TTC23L: variants seen among roughly 807,000 people sequenced by gnomAD.
TTC23L encodes tetratricopeptide repeat domain 23 like.
Under a neutral mutation model 48.1 loss-of-function variants are expected in TTC23L, and 42 were observed. The observed-to-expected ratio is 0.87, with a 90% CI of 0.68 to 1.13. The LOEUF (loss-of-function observed/expected upper bound fraction) is 1.13, where lower values mean the gene tolerates loss of function less well. Among genes scored for constraint, TTC23L ranks in the 50% most tolerant of loss-of-function variants. The pLI, the probability that TTC23L is intolerant of heterozygous loss-of-function variation, is 0.00. For synonymous variants in TTC23L, 159 were observed against 157.2 expected, an observed-to-expected ratio of 1.01 and a Z score of -0.09; for missense variants, 391 against 421.0, an observed-to-expected ratio of 0.93 and a Z score of 0.62.
chr5:34,867,118 G>C (rs765666012), intron 7 of TTC23L, 49 bp downstream of exon 7: 2 of 1,569,190 alleles, frequency 1.3e-6, no homozygotes, highest in Admixed American at 1.8e-5. Flanking sequence ...TTTGGCCCCA[G>C]GCTTGGTTCT....
chr5:34,925,147 T>A, the TTC23L span: 63 of 1,457,782 alleles, frequency 4.3e-5, no homozygotes, highest in Non-Finnish European at 5.6e-5. Flanking sequence ...GATATATGGT[T>A]CATAACTGAA....
intron 9 of TTC23L, among the ~76,000 whole-genome samples, chr5:34,889,692 TATGAAAGC>T (rs1227091245): frequency 2.0e-5 from 3 of 152,200 alleles, no homozygotes; most frequent in Non-Finnish European, 4.4e-5. Context: ...TGTTGGTGTA[TATGAAAGC>T]ATGTTTTCTT....
At chr5:34,841,323 T>A (rs1758653687) in intron 2 of TTC23L, among the ~76,000 whole-genome samples, 1 of 152,220 alleles carries the variant, frequency 6.6e-6, no homozygotes, top group Non-Finnish European at 1.5e-5. Context: ...GCACATACTA[T>A]GTGCCAGGCT....
intron 4 of TTC23L, among the ~76,000 whole-genome samples, chr5:34,853,148 G>A (rs997830690): frequency 1.3e-5 from 2 of 152,154 alleles, no homozygotes; most frequent in Admixed American, 6.5e-5. Context: ...TCTGAAAGCA[G>A]GTCTAGAGCT....
the TTC23L span, chr5:34,916,150 C>T: frequency 8.0e-6 from 3 of 373,732 alleles, no homozygotes; most frequent in Non-Finnish European, 9.6e-6. Flanking sequence ...ACAGGGTGCT[C>T]AGATCCAGCG....
At chr5:34,909,307 C>A in the TTC23L span, 1 of 1,611,420 alleles carries the variant, frequency 6.2e-7, no homozygotes, top group African/African-American at 1.3e-5. Context: ...AAATCAGAAT[C>A]TTTGGGATAG....
chr5:34,861,894 T>C (rs1161590173), intron 4 of TTC23L, among the ~76,000 whole-genome samples: 1 of 152,100 alleles, frequency 6.6e-6, no homozygotes, highest in Non-Finnish European at 1.5e-5. Context: ...TCTACCTCTG[T>C]TGACTGGACA....
intron 1 of TTC23L, among the ~76,000 whole-genome samples, chr5:34,839,828 C>A (rs1758448511): frequency 6.6e-6 from 1 of 152,238 alleles, no homozygotes; most frequent in Non-Finnish European, 1.5e-5. Flanking sequence ...ATTTAGAAAT[C>A]ACATTTTTCG....
rs573525337 is a variant in TTC23L, at chr5:34,879,888, C to A, written c.950-293C>A. Reference sequence around the variant, plus strand: ...GCGCACACGTGTAGTTCCAGCTACTCGGGTGGCTGAGACAGGAGAATCACT... The same window carrying A: ...GCGCACACGTGTAGTTCCAGCTACTAGGGTGGCTGAGACAGGAGAATCACT... On this transcript the variant is annotated intron_variant, in intron 8 of 10. Coordinates refer to ENST00000505624, the Ensembl canonical transcript of TTC23L. Among the ~76,000 whole-genome samples the A allele has an allele frequency of 1.1e-3, 169 of 152,048 alleles. 1 individual carries two copies. Among genetic ancestry groups the A allele is most frequent in the Admixed American group, 2.9e-3 (45 of 15,278 alleles).
chr5:34,845,635 TC>T lies in TTC23L; in HGVS notation c.220del (p.Gln74ArgfsTer4), dbSNP rs1561119181. On this transcript the variant is annotated frameshift_variant, in exon 3 of 11. Transcript: ENST00000505624. LOFTEE classifies it high-confidence loss of function. The stretch of plus-strand genomic sequence containing the variant: ...TCATCCCAAAGAGAAATTAGCCCAA[TC>T]CCAGAAGAAAGTAGCTCAGCTGATT... The T allele has an allele frequency of 1.2e-6, 2 of 1,613,060 alleles. No individual in the cohort carries two copies. Among genetic ancestry groups the T allele is most frequent in the African/African-American group, 2.7e-5 (2 of 74,952 alleles).
Position 34,845,563 on chromosome 5 carries a change from G to A in TTC23L, c.145G>A (p.Glu49Lys), listed in dbSNP as rs1342240863. The A allele has an allele frequency of 3.1e-6, 5 of 1,613,958 alleles. No individual in the cohort carries two copies. The Admixed American group carries it at 8.3e-5, about 27-fold the overall frequency. ...CACTGGTGGGTGTGGAGAGAGTGAA[G>A]AGGAAACTAAAGCTAAAGAGAAGGA... The change falls in exon 3 of 11, where the codon GAG becomes AAG. Residue 49 changes from glutamate (E) to lysine (K), a missense_variant. Transcript: ENST00000505624.
At chr5:34,922,230 A>G in the TTC23L span, 1 of 1,579,174 alleles carries the variant, frequency 6.3e-7, no homozygotes, top group Non-Finnish European at 8.7e-7. Flanking sequence ...TGTGAAATGA[A>G]GAACTGTAAT....
At chr5:34,918,086 T>C in the TTC23L span, 1 of 214,680 alleles carries the variant, frequency 4.7e-6, no homozygotes, top group Non-Finnish European at 8.9e-6. Context: ...CCAAGCCACT[T>C]GAGCCCAGGT....
intron 4 of TTC23L, among the ~76,000 whole-genome samples, chr5:34,859,304 C>T (rs336470): frequency 0.37 from 56,278 of 152,046 alleles, 11,055 homozygotes; most frequent in African/African-American, 0.51. Flanking sequence ...TTTTCTTGGT[C>T]TAAAGTAGCC....
At chr5:34,872,015 G>A (rs1351800048) in intron 8 of TTC23L, among the ~76,000 whole-genome samples, 2 of 151,916 alleles carry the variant, frequency 1.3e-5, no homozygotes, top group South Asian at 2.1e-4. Flanking sequence ...AAAGTACCAA[G>A]GCCTGGATAC....
At chr5:34,923,127 A>G in the TTC23L span, 1 of 1,609,770 alleles carries the variant, frequency 6.2e-7, no homozygotes, top group Non-Finnish European at 8.5e-7. Flanking sequence ...ACACTTTTTT[A>G]ACTAGATCTT....
intron 6 of TTC23L, among the ~76,000 whole-genome samples, chr5:34,866,289 G>A (rs980358290): frequency 2.0e-5 from 3 of 152,148 alleles, no homozygotes. Context: ...TCTCTATGTG[G>A]ATCACAGTCT....
the TTC23L span, chr5:34,924,759 C>A: frequency 1.3e-6 from 1 of 770,590 alleles, no homozygotes; most frequent in Non-Finnish European, 2.1e-6. Flanking sequence ...TCAATTATTT[C>A]AGGCACATTT....
intron 8 of TTC23L, among the ~76,000 whole-genome samples, chr5:34,873,457 C>T (rs1299896418): frequency 1.3e-5 from 2 of 152,138 alleles, no homozygotes; most frequent in Non-Finnish European, 2.9e-5. Flanking sequence ...TGCCCCAGGT[C>T]GGTCCATGAG....
Sources: allele counts gnomAD v4.1 joint callset (sites outside exome capture counted in the v4.1 genomes callset), GRCh38; gene constraint gnomAD v4.1.1; transcripts MANE v1.5; gene names NCBI Gene and HGNC (gene_info 2026-07-23, HGNC 2026-07-21).